CDC42BPA: variants seen among roughly 807,000 people sequenced by gnomAD.
The protein encoded by CDC42BPA is CDC42 binding protein kinase alpha.
A neutral mutation model predicts 223.5 loss-of-function variants in CDC42BPA; 80 were observed. The ratio of observed to expected loss-of-function variants is 0.36; its 90% confidence interval spans 0.30 to 0.43. CDC42BPA has a LOEUF of 0.43. CDC42BPA is among the 20% of genes least tolerant of loss of function. CDC42BPA has a pLI of 1.00. For missense variants in CDC42BPA, 1,743 were observed against 2,099.9 expected (o/e 0.83, Z 3.32); for synonymous variants, 694 against 718.6 (o/e 0.97, Z 0.55).
intron 3 of CDC42BPA, among the ~76,000 whole-genome samples, chr1:227,206,001 T>A (rs1672659038): frequency 1.3e-5 from 2 of 152,118 alleles, no homozygotes; most frequent in African/African-American, 4.8e-5. Context: ...TGAGCCAAGA[T>A]CCTAACACTG....
Position 227,188,478 on chromosome 1 carries a change from C to A in CDC42BPA, c.599+5308G>T, listed in dbSNP as rs75880778. Reference sequence around the variant, plus strand: ...ACAATTCCCAAAACTTAGAAGCAACCAAGATGTCCTTAAGTAGGTAAATGG... The same window carrying A: ...ACAATTCCCAAAACTTAGAAGCAACAAAGATGTCCTTAAGTAGGTAAATGG... On this transcript the variant is annotated intron_variant, in intron 5 of 36. Coordinates refer to ENST00000366766, the MANE Select transcript of CDC42BPA (RefSeq NM_001394014.1). Among the ~76,000 whole-genome samples the A allele has an allele frequency of 2.9e-4, 44 of 151,374 alleles. 1 individual carries two copies. The East Asian group carries it at 8.5e-3, about 29-fold the overall frequency.
chr1:226,994,681 G>A lies in CDC42BPA; in HGVS notation c.5133+142C>T. 1 of 893,728 alleles carries A rather than the reference G, an allele frequency of 1.1e-6. No homozygotes were observed. Among genetic ancestry groups the A allele is most frequent in the Non-Finnish European group, 1.7e-6 (1 of 588,100 alleles). The allele number at this position is 893,728 out of a possible 1,614,324, so 55.4% of individuals were successfully genotyped here. On this transcript the variant is annotated intron_variant, in intron 36 of 36. Transcript: ENST00000366766. The surrounding 1 kb of genome is among the most constrained non-coding windows in gnomAD (Gnocchi z 4.0). ...GTTTGCAGCCCGAGTGACTGGCCTA[G>A]CTGCCCGCTGGCCAAGAGTGAATGC...
At chr1:227,261,133 T>TTTTTTTTTTTTTTTA (rs397729082) in intron 1 of CDC42BPA, among the ~76,000 whole-genome samples, 1 of 147,012 alleles carries the variant, frequency 6.8e-6, no homozygotes, top group Non-Finnish European at 1.5e-5. Context: ...TCTTTTTTTT[T>TTTTTTTTTTTTTTTA]GAGACAGAGT....
At chr1:227,246,291 TA>T (rs915002087) in intron 2 of CDC42BPA, among the ~76,000 whole-genome samples, 9 of 152,148 alleles carry the variant, frequency 5.9e-5, no homozygotes, top group African/African-American at 2.2e-4. Flanking sequence ...ACAGACGTAG[TA>T]AAAATAAAAC....
intron 5 of CDC42BPA, among the ~76,000 whole-genome samples, chr1:227,168,382 T>C (rs893823994): frequency 6.6e-6 from 1 of 152,124 alleles, no homozygotes; most frequent in East Asian, 1.9e-4. Flanking sequence ...TTCCCCCAAA[T>C]GTAACTTGTC....
Position 227,069,985 on chromosome 1 carries a change from C to T in CDC42BPA, c.2828-132G>A, listed in dbSNP as rs960599505. The T allele has an allele frequency of 1.3e-5, 7 of 526,310 alleles. No homozygotes were observed. In the African/African-American group the frequency reaches 1.4e-4, roughly 10 times the overall value. 32.6% of individuals were successfully genotyped at this position (526,310 alleles called of 1,614,324 possible). A position where few individuals can be genotyped will look rare whatever the true frequency, so the allele number is the denominator to read the frequency against. ...TTTCAAAGTTGATCACTATAATTAA[C>T]TCTACATTTAAACAAAACTAAAATA... On this transcript the variant is annotated intron_variant, in intron 20 of 36. Transcript: ENST00000366766.
chr1:227,191,240 G>C (rs1245766193), intron 5 of CDC42BPA, among the ~76,000 whole-genome samples: 1 of 151,892 alleles, frequency 6.6e-6, no homozygotes, highest in African/African-American at 2.4e-5. Context: ...AGCTACTCAG[G>C]AGGCTGAGGC....
rs201130103 is a variant in CDC42BPA, at chr1:227,119,857, C to T, written c.1594G>A (p.Ala532Thr). 2 of 1,601,716 alleles carry T rather than the reference C, an allele frequency of 1.2e-6. No homozygotes were observed. The highest frequency in any genetic ancestry group is 1.3e-5 in the African/African-American group (1 of 74,658). Residue 532 changes from alanine (A) to threonine (T), a missense_variant, in exon 12 of 37, where the codon GCT becomes ACT. Around this residue, in one of 6 missense-constraint regions of CDC42BPA, gnomAD observed 464 missense variants for 488.0 expected, o/e 0.95. Coordinates refer to ENST00000366766, the MANE Select transcript of CDC42BPA (RefSeq NM_001394014.1). ...ELDDAFRQIK[A>T]YEKQIKTLQQ... ...AACGTTTTGATTTGTTTTTCATAAGCCTTGATTTGTCTAAAAGCATCATCT... is the reference window on the plus strand; with the variant it reads ...AACGTTTTGATTTGTTTTTCATAAGTCTTGATTTGTCTAAAAGCATCATCT...
chr1:227,128,640 G>C (rs892068344), intron 11 of CDC42BPA, among the ~76,000 whole-genome samples: 3 of 152,094 alleles, frequency 2.0e-5, no homozygotes, highest in African/African-American at 7.2e-5. Flanking sequence ...TTTAATCTCA[G>C]TAATACACTG....
intron 2 of CDC42BPA, among the ~76,000 whole-genome samples, chr1:227,222,034 G>A (rs184364377): frequency 1.2e-4 from 15 of 122,768 alleles, no homozygotes; most frequent in Non-Finnish European, 1.6e-5. Flanking sequence ...GAGCAACATA[G>A]GAAGACCCTA....
intron 28 of CDC42BPA, among the ~76,000 whole-genome samples, chr1:227,030,849 C>G (rs944710502): frequency 2.6e-5 from 4 of 152,060 alleles, no homozygotes; most frequent in Non-Finnish European, 4.4e-5. Context: ...CACAGGAATA[C>G]AGCAAAAATT....
At chr1:227,111,232 G>C (rs1686851325) in intron 14 of CDC42BPA, among the ~76,000 whole-genome samples, 1 of 152,102 alleles carries the variant, frequency 6.6e-6, no homozygotes, top group Non-Finnish European at 1.5e-5. Context: ...GGGGCTGACA[G>C]ATATAGCAGA....
chr1:227,185,507 T>C (rs1048376887), intron 5 of CDC42BPA, among the ~76,000 whole-genome samples: 5 of 152,156 alleles, frequency 3.3e-5, no homozygotes, highest in Non-Finnish European at 7.4e-5. Context: ...GCCAGTTTTT[T>C]CGCCGGCTAC....
intron 12 of CDC42BPA, among the ~76,000 whole-genome samples, chr1:227,114,532 T>C (rs1208160956): frequency 6.6e-6 from 1 of 151,308 alleles, no homozygotes; most frequent in Non-Finnish European, 1.5e-5. Flanking sequence ...TGAATGTGAA[T>C]GTAAACAAAT....
At chr1:227,202,785 C>T (rs1277769988) in intron 3 of CDC42BPA, among the ~76,000 whole-genome samples, 1 of 145,970 alleles carries the variant, frequency 6.9e-6, no homozygotes, top group African/African-American at 2.5e-5. Flanking sequence ...AAAAATCAGC[C>T]AGGCTGGTGG....
chr1:227,211,877 A>G (rs1056488652), intron 3 of CDC42BPA, among the ~76,000 whole-genome samples: 5 of 152,148 alleles, frequency 3.3e-5, no homozygotes, highest in African/African-American at 1.2e-4. Flanking sequence ...CAATATATGC[A>G]TGTCAGCAAT....
chr1:227,030,975 T>C lies in CDC42BPA; in HGVS notation c.3775+323A>G, dbSNP rs150769429. ...TTCCCAATAACCTCAGCAAGGTAAT[T>C]ACCATCTGTATTTTATATATTAAAC... On this transcript the variant is annotated intron_variant, in intron 28 of 36. Transcript: ENST00000366766. Among the ~76,000 whole-genome samples, 396 of 152,278 alleles carry C rather than the reference T, an allele frequency of 2.6e-3. 2 individuals carry two copies. Among genetic ancestry groups the C allele is most frequent in the Non-Finnish European group, 4.5e-3 (306 of 68,014 alleles).
intron 24 of CDC42BPA, among the ~76,000 whole-genome samples, chr1:227,038,640 T>C (rs1670780890): frequency 6.6e-6 from 1 of 152,206 alleles, no homozygotes; most frequent in South Asian, 2.1e-4. Context: ...AACTTCCTAC[T>C]TGTTGGGTGC....
rs184071803 is a variant in CDC42BPA, at chr1:227,196,408, C to A, written c.451-2474G>T. Among the ~76,000 whole-genome samples, 713 of 135,356 alleles carry A rather than the reference C, an allele frequency of 5.3e-3. 3 individuals carry two copies. The highest frequency in any genetic ancestry group is 0.019 in the African/African-American group (665 of 35,274). 88.8% of individuals were successfully genotyped at this position (135,356 alleles called of 152,430 possible). ...AGGCTGGAGTGCAGTGGCGTGACCT[C>A]AGCTCACTGCAAGCTCCGCCTCCAG... On this transcript the variant is annotated intron_variant, in intron 4 of 36. Coordinates refer to ENST00000366766, the MANE Select transcript of CDC42BPA (RefSeq NM_001394014.1).
Sources: allele counts gnomAD v4.1 joint callset (sites outside exome capture counted in the v4.1 genomes callset), GRCh38; gene constraint gnomAD v4.1.1; regional missense constraint gnomAD v4.1.1; non-coding constraint Gnocchi (gnomAD v3.1); transcripts MANE v1.5; gene names NCBI Gene and HGNC (gene_info 2026-07-23, HGNC 2026-07-21).